Variants in PLAC1 observed in about 807,000 individuals in gnomAD.
The protein encoded by PLAC1 is placenta-specific protein 1.
For missense variants in PLAC1, 136 were observed against 163.2 expected (o/e 0.83, Z 0.91); for synonymous variants, 68 against 62.1 (o/e 1.09, Z -0.44).
intron 1 of PLAC1, among the ~76,000 whole-genome samples, chrX:134,654,204 GCT>G (rs756735982): frequency 3.9e-4 from 44 of 112,092 alleles, no homozygotes; most frequent in African/African-American, 1.4e-3. Context: ...CATCTTGCCT[GCT>G]CTGTCTATTC....
At chrX:134,696,163 T>C (rs2078562212) in intron 2 of PLAC1, among the ~76,000 whole-genome samples, 1 of 112,036 alleles carries the variant, frequency 8.9e-6, no homozygotes, top group Non-Finnish European at 1.9e-5. Flanking sequence ...CACCACCCTT[T>C]TCCTGGAGCC....
upstream of PLAC1, among the ~76,000 whole-genome samples, chrX:134,662,620 CTA>C (rs1226255101): frequency 3.6e-5 from 4 of 112,414 alleles, no homozygotes; most frequent in Non-Finnish European, 7.5e-5. Context: ...AAAAAAATGA[CTA>C]TGTGGCTACA....
chrX:134,673,462 G>T (rs1396496780), intron 2 of PLAC1, among the ~76,000 whole-genome samples: 1 of 110,699 alleles, frequency 9.0e-6, no homozygotes, highest in African/African-American at 3.3e-5. Context: ...TCATTCTGTG[G>T]CCATTTCTTT....
intron 1 of PLAC1, among the ~76,000 whole-genome samples, chrX:134,655,332 TACACACACAC>T (rs545237127): frequency 6.1e-5 from 6 of 99,150 alleles, no homozygotes; most frequent in Non-Finnish European, 1.0e-4. Context: ...TCAATCTATT[TACACACACAC>T]ACACACACAC....
chrX:134,724,801 G>A (rs1017680465), intron 2 of PLAC1, among the ~76,000 whole-genome samples: 3 of 111,573 alleles, frequency 2.7e-5, no homozygotes, highest in African/African-American at 9.8e-5. Context: ...CCAGGAATTC[G>A]AGACCAGCCT....
intron 1 of PLAC1, among the ~76,000 whole-genome samples, chrX:134,655,780 CAAT>C (rs970997143): frequency 4.5e-5 from 5 of 112,158 alleles, no homozygotes; most frequent in Non-Finnish European, 7.5e-5. Context: ...GATTTAATAG[CAAT>C]AATAATAAAA....
At chrX:134,612,599 G>A (rs776423106) in intron 1 of PLAC1, among the ~76,000 whole-genome samples, 1 of 111,686 alleles carries the variant, frequency 9.0e-6, no homozygotes, top group Admixed American at 9.5e-5. Flanking sequence ...TGTATATAAG[G>A]AAATATATCT....
At chrX:134,606,806 C>A (rs1424156160) in intron 1 of PLAC1, among the ~76,000 whole-genome samples, 2 of 111,661 alleles carry the variant, frequency 1.8e-5, no homozygotes, top group Non-Finnish European at 3.8e-5. Flanking sequence ...TGGAACCAAC[C>A]TAAGCGTCCA....
chrX:134,584,479 G>A (rs1183008122), intron 2 of PLAC1, among the ~76,000 whole-genome samples: 1 of 111,669 alleles, frequency 9.0e-6, no homozygotes, highest in Admixed American at 9.5e-5. Context: ...GGATTTGCAA[G>A]TGAGTGGACA....
At chrX:134,623,063 C>G (rs907823614) in intron 1 of PLAC1, among the ~76,000 whole-genome samples, 3 of 112,462 alleles carry the variant, frequency 2.7e-5, no homozygotes, top group Middle Eastern at 4.6e-3. Context: ...ACTACAAGAG[C>G]CTTCACGTCT....
intron 2 of PLAC1, among the ~76,000 whole-genome samples, chrX:134,666,752 C>T (rs1002287361): frequency 8.9e-6 from 1 of 111,936 alleles, no homozygotes; most frequent in Non-Finnish European, 1.9e-5. Context: ...CCTTTCTCTA[C>T]TGAGTGGATG....
At chrX:134,699,739 C>T (rs2078576341) in intron 2 of PLAC1, among the ~76,000 whole-genome samples, 1 of 112,432 alleles carries the variant, frequency 8.9e-6, no homozygotes, top group East Asian at 2.8e-4. Flanking sequence ...TGACCCTACA[C>T]ATTAGCCAAC....
intron 2 of PLAC1, among the ~76,000 whole-genome samples, chrX:134,573,668 T>G (rs1300208710): frequency 2.7e-5 from 3 of 111,776 alleles, no homozygotes; most frequent in Non-Finnish European, 5.6e-5. Flanking sequence ...AAAATTGGGA[T>G]TTTTGAGTAC....
intron 2 of PLAC1, among the ~76,000 whole-genome samples, chrX:134,682,701 G>A (rs1381112519): frequency 9.0e-6 from 1 of 110,806 alleles, no homozygotes; most frequent in Non-Finnish European, 1.9e-5. Flanking sequence ...AATTACAGGT[G>A]CCCACCACCA....
At chrX:134,595,179 G>A (rs867617813) in intron 2 of PLAC1, among the ~76,000 whole-genome samples, 1 of 110,799 alleles carries the variant, frequency 9.0e-6, no homozygotes, top group Non-Finnish European at 1.9e-5. Context: ...CCTGTTATCT[G>A]TCTGTTATTA....
chrX:134,623,995 T>TG (rs201302657), intron 1 of PLAC1, among the ~76,000 whole-genome samples: 1,418 of 112,115 alleles, frequency 0.013, 21 homozygotes, highest in African/African-American at 0.044. Flanking sequence ...TGTCAGAGTT[T>TG]GGGGAGAACT....
intron 2 of PLAC1, among the ~76,000 whole-genome samples, chrX:134,585,469 C>T (rs1232307004): frequency 1.8e-5 from 2 of 111,397 alleles, no homozygotes; most frequent in African/African-American, 6.5e-5. Context: ...TCTGACTTAG[C>T]AAGCTTTTGT....
intron 1 of PLAC1, chrX:134,651,368 T>G (rs2078361710): frequency 6.6e-6 from 1 of 150,545 alleles, no homozygotes; most frequent in South Asian, 1.7e-4. Flanking sequence ...AAGAAGCTCA[T>G]AGGTAACGAA....
chrX:134,579,088 C>A (rs1024807152), intron 2 of PLAC1, among the ~76,000 whole-genome samples: 3 of 110,793 alleles, frequency 2.7e-5, no homozygotes, highest in Admixed American at 9.7e-5. Context: ...TTACATATGG[C>A]AACAAATCTC....
Sources: gnomAD v4.1 joint callset for allele counts (sites outside exome capture counted in the v4.1 genomes callset) on GRCh38, gnomAD v4.1.1 for gene constraint, MANE v1.5 for transcripts, NCBI Gene and HGNC (gene_info 2026-07-23, HGNC 2026-07-21) for gene names.